The following ZUP1 variants were observed in gnomAD, a reference collection of about 807,000 sequenced individuals.
ZUP1 encodes the protein zinc finger containing ubiquitin peptidase 1, also known as zinc finger-containing ubiquitin peptidase 1.
ZUP1 carries 55 observed loss-of-function variants against 68.1 expected under a neutral mutation model. The observed-to-expected ratio is 0.81, with a 90% CI of 0.65 to 1.01. The LOEUF (loss-of-function observed/expected upper bound fraction) is 1.01, where lower values mean the gene tolerates loss of function less well. ZUP1 is among the 50% of genes least tolerant of loss of function. The pLI is 0.00. For missense variants in ZUP1, 684 were observed against 674.9 expected, an observed-to-expected ratio of 1.01 and a Z score of -0.15; for synonymous variants, 223 against 221.5, an observed-to-expected ratio of 1.01 and a Z score of -0.06.
chr6:116,648,280 T>TA (rs1249305953), intron 7 of ZUP1, among the ~76,000 whole-genome samples: 1 of 152,218 alleles, frequency 6.6e-6, no homozygotes, highest in East Asian at 1.9e-4. Flanking sequence ...CAACTGTTTT[T>TA]AAAAGGTCGG....
intron 9 of ZUP1, among the ~76,000 whole-genome samples, chr6:116,642,630 TCAA>T (rs1489837868): frequency 6.6e-6 from 1 of 152,190 alleles, no homozygotes; most frequent in East Asian, 1.9e-4. Context: ...TTGCCAAAAT[TCAA>T]CAACACTTCA....
chr6:116,666,954 GTGT>G lies in ZUP1; in HGVS notation c.236_238del (p.Asn79del), dbSNP rs771613702. ...ATTAACTTCCATTCCACACTGTAGG[GTGT>G]TGTCTTTCTTGTTATCTGAAGTTCC... On this transcript the variant is annotated inframe_deletion, in exon 2 of 10. Transcript: ENST00000368576. The G allele has an allele frequency of 3.7e-6, 6 of 1,613,588 alleles. No individual in the cohort carries two copies. In the East Asian group the frequency reaches 1.3e-4, roughly 36 times the overall value.
chr6:116,643,626 G>A lies in ZUP1; in HGVS notation c.1689+2088C>T, dbSNP rs549986756. ...TTAATAAATGGTGCTGGGAAAACTG[G>A]CTGGCCATATGTAGAAAGCTGAAAC... is the stretch of plus-strand genomic sequence containing the variant. On this transcript the variant is annotated intron_variant, in intron 9 of 9. Transcript: ENST00000368576. Among the ~76,000 whole-genome samples, 59 of 152,226 alleles carry A rather than the reference G, an allele frequency of 3.9e-4. 1 individual carries two copies. Among genetic ancestry groups the A allele is most frequent in the Admixed American group, 2.3e-3 (35 of 15,292 alleles).
rs776456986 is a variant in ZUP1 at position 116,666,784 on chromosome 6, A to T, written c.409T>A (p.Ser137Thr). 6.2e-7 allele frequency: 1 copy of T among 1,613,764 alleles called. No individual in the cohort carries two copies. The highest frequency in any genetic ancestry group is 8.5e-7 in the Non-Finnish European group (1 of 1,179,888). ...GATCCTTTTATTTCGGTCAGGCTGG[A>T]CTGTTTTTCCCTACTTTTCAGGAAT... ...RKFLKSREKQ[S>T]SLTEIKGSVY... The change falls in exon 2 of 10, where the codon TCC becomes ACC. Residue 137 changes from serine (S) to threonine (T), a missense_variant. Physicochemically the swap from Ser to Thr is moderately conservative, Grantham distance 58. Transcript: ENST00000368576.
intron 2 of ZUP1, among the ~76,000 whole-genome samples, chr6:116,665,569 CTTTTT>C (rs753039436): frequency 9.0e-6 from 1 of 111,586 alleles, no homozygotes; most frequent in Admixed American, 9.6e-5. Context: ...AAAAATTTTT[CTTTTT>C]TTTTTTTTTT....
chr6:116,660,477 T>C (rs1026419986), intron 3 of ZUP1: 51 of 307,754 alleles, frequency 1.7e-4, no homozygotes, highest in African/African-American at 1.1e-3. Flanking sequence ...AAAGATGTTT[T>C]GGTTATATAG....
chr6:116,644,166 A>AAT (rs1562400774), intron 9 of ZUP1, among the ~76,000 whole-genome samples: 2 of 152,186 alleles, frequency 1.3e-5, no homozygotes, highest in African/African-American at 4.8e-5. Flanking sequence ...TTAGAATGTC[A>AAT]ATCATTAAAA....
In ZUP1 at chr6:116,660,769, CA is replaced by C; in HGVS notation, c.636del (p.Asp213ThrfsTer45). ...AAGCTGTTTTCTTCCAAATGCAAGT[CA>C]ACATGTTCCTGAAGAATATGGTAAT... The part of the protein sequence containing the change: ...CTNYHILQEH[V>X]DLHLEENSFQ... On this transcript the variant is annotated frameshift_variant, in exon 3 of 10. Coordinates refer to ENST00000368576, the MANE Select transcript of ZUP1 (RefSeq NM_145062.3). LOFTEE classifies it high-confidence loss of function. 6.2e-7 allele frequency: 1 copy of C among 1,608,022 alleles called. No individual in the cohort carries two copies. The highest frequency in any genetic ancestry group is 8.5e-7 in the Non-Finnish European group (1 of 1,176,746).
intron 7 of ZUP1, among the ~76,000 whole-genome samples, chr6:116,649,546 G>C (rs1776416072): frequency 6.6e-6 from 1 of 152,120 alleles, no homozygotes; most frequent in African/African-American, 2.4e-5. Context: ...CATAAGGTTT[G>C]AGAACAGTGA....
At chr6:116,638,907 A>T (rs1388318980) in intron 9 of ZUP1, among the ~76,000 whole-genome samples, 1 of 152,234 alleles carries the variant, frequency 6.6e-6, no homozygotes, top group Non-Finnish European at 1.5e-5. Context: ...GGGAAGCGCA[A>T]GGGGTCAGGG....
At chr6:116,646,013 G>T in intron 8 of ZUP1, 79 bp from the exon 9 acceptor site, 2 of 972,692 alleles carry the variant, frequency 2.1e-6, no homozygotes, top group Non-Finnish European at 3.0e-6. Flanking sequence ...TATGTTGTGT[G>T]ATCATATGTG....
chr6:116,641,980 G>A (rs1203338440), intron 9 of ZUP1, among the ~76,000 whole-genome samples: 7 of 151,960 alleles, frequency 4.6e-5, no homozygotes, highest in African/African-American at 7.3e-5. Flanking sequence ...TCAAACAGAC[G>A]CAATAAAAAA....
At chr6:116,646,618 A>C (rs1303698134) in intron 8 of ZUP1, among the ~76,000 whole-genome samples, 4 of 152,200 alleles carry the variant, frequency 2.6e-5, no homozygotes, top group Non-Finnish European at 4.4e-5. Flanking sequence ...TCCGCCGCCC[A>C]GGCTGGAGTG....
At chr6:116,652,507 CAGTCTT>C (rs950258973) in intron 5 of ZUP1, among the ~76,000 whole-genome samples, 5 of 152,128 alleles carry the variant, frequency 3.3e-5, no homozygotes, top group African/African-American at 1.2e-4. Context: ...GGAGATCACT[CAGTCTT>C]AATCAATTTG....
chr6:116,643,090 G>A (rs1776174038), intron 9 of ZUP1, among the ~76,000 whole-genome samples: 1 of 151,692 alleles, frequency 6.6e-6, no homozygotes, highest in Non-Finnish European at 1.5e-5. Flanking sequence ...ATTCACAATT[G>A]CTTCAAAGAG....
In ZUP1 at chr6:116,660,826, CAT is replaced by C; in HGVS notation, c.578_579del (p.Tyr193Ter). 6.3e-7 allele frequency: 1 copy of C among 1,587,770 alleles called. No individual in the cohort carries two copies. Among genetic ancestry groups the C allele is most frequent in the Non-Finnish European group, 8.6e-7 (1 of 1,162,680 alleles). ...IPLEDCDQPL[Y>X]DCPMCGLICT... is the part of the protein sequence containing the mutation. ...CATATGAGCCCACACATAGGACAAT[CAT>C]AGAGTGGTTGATCACAGTCTGTATC... On this transcript the variant is annotated frameshift_variant, in exon 3 of 10. Transcript: ENST00000368576. LOFTEE classifies it high-confidence loss of function.
At position 116,665,811 on chromosome 6, in the gene ZUP1, G is replaced by A. The variant is rs1221157815; in HGVS notation, c.559+823C>T. ...TTGCCACATTGCCCAGGATCGTCTC[G>A]AACTCCTGGACTCAAGGGATCTGCC... On this transcript the variant is annotated intron_variant, in intron 2 of 9. Coordinates refer to ENST00000368576, the MANE Select transcript of ZUP1 (RefSeq NM_145062.3). Among the ~76,000 whole-genome samples, 8 of 143,198 alleles carry A rather than the reference G, an allele frequency of 5.6e-5. No homozygotes were observed. The South Asian group carries it at 6.5e-4, about 12-fold the overall frequency. 93.9% of individuals were successfully genotyped at this position (143,198 alleles called of 152,430 possible).
chr6:116,668,511 A>G (rs889170469), intron 1 of ZUP1, 55 bp downstream of exon 1: 2 of 152,436 alleles, frequency 1.3e-5, no homozygotes, highest in African/African-American at 4.8e-5. Context: ...AGCAGGCACT[A>G]ACTGGGTCAA....
Position 116,635,752 on chromosome 6 carries a change from T to C in ZUP1, c.*80A>G, listed in dbSNP as rs1322839186. On this transcript the variant is annotated 3_prime_UTR_variant, in exon 10 of 10. Transcript: ENST00000368576. The stretch of plus-strand genomic sequence containing the variant: ...CTTAAGAGAATTCACAGATTCATAA[T>C]TGTATTAAGGAGTTCAATATCTACA... The C allele has an allele frequency of 8.3e-6, 9 of 1,081,582 alleles. No individual in the cohort carries two copies. The highest frequency in any genetic ancestry group is 1.2e-5 in the Non-Finnish European group (9 of 754,588). 67.0% of individuals were successfully genotyped at this position (1,081,582 alleles called of 1,614,324 possible).
Sources: allele counts gnomAD v4.1 joint callset (sites outside exome capture counted in the v4.1 genomes callset), GRCh38; gene constraint gnomAD v4.1.1; transcripts MANE v1.5; gene names NCBI Gene and HGNC (gene_info 2026-07-23, HGNC 2026-07-21).